BAZ2B: variants seen among roughly 807,000 people sequenced by gnomAD.
BAZ2B encodes the protein bromodomain adjacent to zinc finger domain protein 2B.
BAZ2B carries 91 observed loss-of-function variants against 246.0 expected under a neutral mutation model. That is an observed-to-expected ratio of 0.37 (90% CI 0.31 to 0.44). The LOEUF is 0.44. Ranked by LOEUF, BAZ2B falls within the 20% of genes least tolerant of loss-of-function variation. The pLI is 1.00. For missense variants in BAZ2B, 2,332 were observed against 2,533.7 expected, an observed-to-expected ratio of 0.92 and a Z score of 1.71; for synonymous variants, 855 against 860.0, an observed-to-expected ratio of 0.99 and a Z score of 0.10.
intron 1 of BAZ2B, among the ~76,000 whole-genome samples, chr2:159,604,307 T>C (rs1692876159): frequency 6.6e-6 from 1 of 152,152 alleles, no homozygotes; most frequent in South Asian, 2.1e-4. Context: ...GGAGTCTTAC[T>C]ATGTTGCTCT....
At chr2:159,649,747 T>A in the BAZ2B span, among the ~76,000 whole-genome samples, 1 of 152,218 alleles carries the variant, frequency 6.6e-6, no homozygotes, top group African/African-American at 2.4e-5. Context: ...TTTAAAGCTA[T>A]CATCAAATTT....
At chr2:159,677,865 G>C in the BAZ2B span, among the ~76,000 whole-genome samples, 13 of 152,078 alleles carry the variant, frequency 8.5e-5, no homozygotes, top group African/African-American at 2.9e-4. Flanking sequence ...AGTTACTTCA[G>C]AGCACCAGAA....
intron 27 of BAZ2B, among the ~76,000 whole-genome samples, chr2:159,363,801 A>G (rs2059952969): frequency 6.6e-6 from 1 of 152,202 alleles, no homozygotes; most frequent in Admixed American, 6.5e-5. Flanking sequence ...ATGAAACATG[A>G]TACTGAATAG....
At chr2:159,414,828 A>T (rs796386122) in intron 13 of BAZ2B, among the ~76,000 whole-genome samples, 1 of 151,724 alleles carries the variant, frequency 6.6e-6, no homozygotes, top group Non-Finnish European at 1.5e-5. Context: ...AAAAAAAAAA[A>T]ATATTCTCAT....
chr2:159,590,376 G>A (rs1689112580), intron 1 of BAZ2B, among the ~76,000 whole-genome samples: 2 of 151,490 alleles, frequency 1.3e-5, no homozygotes, highest in African/African-American at 2.4e-5. Context: ...GATCACCTGA[G>A]GTCAAGAGTT....
chr2:159,393,291 T>A (rs79590879), intron 20 of BAZ2B, among the ~76,000 whole-genome samples: 3,617 of 152,266 alleles, frequency 0.024, 127 homozygotes, highest in African/African-American at 0.082. Context: ...AAGATCACTT[T>A]GGCTGCTCTG....
the BAZ2B span, among the ~76,000 whole-genome samples, chr2:159,675,243 A>C: frequency 1.3e-5 from 2 of 152,160 alleles, no homozygotes; most frequent in African/African-American, 4.8e-5. Context: ...AGGCAATAAA[A>C]TATTAAAAAT....
chr2:159,498,006 GC>G (rs2081335304), intron 2 of BAZ2B, among the ~76,000 whole-genome samples: 1 of 152,146 alleles, frequency 6.6e-6, no homozygotes, highest in African/African-American at 2.4e-5. Context: ...GAGCACTTTA[GC>G]TTCTACCCAG....
the BAZ2B span, among the ~76,000 whole-genome samples, chr2:159,701,753 G>A: frequency 6.7e-6 from 1 of 148,896 alleles, no homozygotes; most frequent in African/African-American, 2.5e-5. Flanking sequence ...TTTTGAAACA[G>A]AGTCTCACTC....
the BAZ2B span, among the ~76,000 whole-genome samples, chr2:159,662,199 T>C: frequency 8.5e-5 from 13 of 152,212 alleles, no homozygotes; most frequent in Non-Finnish European, 1.9e-4. Context: ...AAAATAATAT[T>C]CCATTGGATA....
intron 31 of BAZ2B, among the ~76,000 whole-genome samples, chr2:159,340,668 C>A (rs142017743): frequency 4.0e-5 from 6 of 151,530 alleles, no homozygotes; most frequent in Admixed American, 3.3e-4. Flanking sequence ...GCCAAGAAAG[C>A]CTTCAGAAAT....
intron 1 of BAZ2B, among the ~76,000 whole-genome samples, chr2:159,590,327 C>T (rs961857104): frequency 6.7e-6 from 1 of 148,224 alleles, no homozygotes; most frequent in Admixed American, 6.8e-5. Flanking sequence ...CAGTGGCTCA[C>T]GCCTGTAATC....
rs2151137690 is a variant in BAZ2B, at chr2:159,505,165, G to C, written c.-2-26444C>G. ...AATAAAAATCTTAATTTAGAAAACAGTGAAGCAAAGAAGTATATGTAATTT... is the reference window on the plus strand; with the variant it reads ...AATAAAAATCTTAATTTAGAAAACACTGAAGCAAAGAAGTATATGTAATTT... On this transcript the variant is annotated intron_variant, in intron 2 of 36. Coordinates refer to ENST00000392783, the MANE Select transcript of BAZ2B (RefSeq NM_013450.4). Among the ~76,000 whole-genome samples, 2 of 152,284 alleles carry C rather than the reference G, an allele frequency of 1.3e-5. 1 individual carries two copies. The highest frequency in any genetic ancestry group is 4.1e-4 in the South Asian group (2 of 4,832).
At chr2:159,688,934 C>A in the BAZ2B span, among the ~76,000 whole-genome samples, 8 of 152,162 alleles carry the variant, frequency 5.3e-5, no homozygotes, top group African/African-American at 1.9e-4. Context: ...TTAACTTTCA[C>A]AACTTGGTAA....
chr2:159,623,129 GAAAA>G, the BAZ2B span, among the ~76,000 whole-genome samples: 2 of 149,682 alleles, frequency 1.3e-5, no homozygotes, highest in Non-Finnish European at 3.0e-5. Context: ...GGAAGGGAGA[GAAAA>G]AGAAAGATAA....
intron 2 of BAZ2B, among the ~76,000 whole-genome samples, chr2:159,525,358 A>G (rs2084619242): frequency 6.6e-6 from 1 of 152,212 alleles, no homozygotes. Flanking sequence ...AGCACCTATA[A>G]CACGCAAGAG....
At chr2:159,674,029 TA>T in the BAZ2B span, among the ~76,000 whole-genome samples, 4 of 39,454 alleles carry the variant, frequency 1.0e-4, no homozygotes, top group African/African-American at 3.3e-4. Context: ...ATGACATAAT[TA>T]ATTTTTTTTT....
intron 14 of BAZ2B, among the ~76,000 whole-genome samples, chr2:159,410,261 T>C (rs896587609): frequency 2.0e-5 from 3 of 152,178 alleles, no homozygotes; most frequent in African/African-American, 7.2e-5. Context: ...CTCTTTGGGA[T>C]GAAAGTCTTA....
At chr2:159,649,147 G>A in the BAZ2B span, among the ~76,000 whole-genome samples, 2 of 151,948 alleles carry the variant, frequency 1.3e-5, no homozygotes, top group African/African-American at 2.4e-5. Flanking sequence ...CAACTCGTTG[G>A]CCATTTTAAA....
Sources: gnomAD v4.1 joint callset for allele counts (sites outside exome capture counted in the v4.1 genomes callset) on GRCh38, gnomAD v4.1.1 for gene constraint, MANE v1.5 for transcripts, NCBI Gene and HGNC (gene_info 2026-07-23, HGNC 2026-07-21) for gene names.